Variants in TMEM108 observed in about 807,000 individuals in gnomAD.
The protein encoded by TMEM108 is transmembrane protein 108.
A neutral mutation model predicts 35.1 loss-of-function variants in TMEM108; 12 were observed. The ratio of observed to expected loss-of-function variants is 0.34; its 90% CI spans 0.22 to 0.55. The LOEUF is 0.55. Among genes scored for constraint, TMEM108 ranks in the 20% least tolerant of loss-of-function variants. The pLI, the probability that TMEM108 is intolerant of heterozygous loss-of-function variation, is 0.89. For synonymous variants in TMEM108, 287 were observed against 308.6 expected (o/e 0.93, Z 0.73); for missense variants, 680 against 753.3 (o/e 0.90, Z 1.14).
intron 2 of TMEM108, among the ~76,000 whole-genome samples, chr3:133,046,469 G>C (rs1943341769): frequency 6.6e-6 from 1 of 152,130 alleles, no homozygotes. Context: ...TTTAGTGAAG[G>C]AAATAACTTC....
intron 3 of TMEM108, among the ~76,000 whole-genome samples, chr3:133,315,518 G>A (rs773256392): frequency 6.6e-6 from 1 of 152,202 alleles, no homozygotes; most frequent in Non-Finnish European, 1.5e-5. Context: ...TGGGTCTGTG[G>A]TATCAGCCAA....
chr3:133,097,117 C>G (rs143288713), intron 2 of TMEM108, among the ~76,000 whole-genome samples: 58 of 152,322 alleles, frequency 3.8e-4, no homozygotes, highest in African/African-American at 1.3e-3. Flanking sequence ...AAACAGCAGT[C>G]TTTAATCTGT....
chr3:133,082,422 A>G (rs530772106), intron 2 of TMEM108, among the ~76,000 whole-genome samples: 237 of 152,242 alleles, frequency 1.6e-3, no homozygotes, highest in African/African-American at 5.3e-3. Context: ...TTCTGCCATA[A>G]CGTCCTTTCC....
chr3:133,287,842 A>G lies in TMEM108; in HGVS notation c.40+58491A>G, dbSNP rs571572669. Reference sequence around the variant, plus strand: ...AATAATTTGTTTAACTTTGTTGAACACAGATAATCACTTAGGTTCAAGAGC... The same window carrying G: ...AATAATTTGTTTAACTTTGTTGAACGCAGATAATCACTTAGGTTCAAGAGC... On this transcript the variant is annotated intron_variant, in intron 3 of 5. Coordinates refer to ENST00000321871, the MANE Select transcript of TMEM108 (RefSeq NM_023943.4). 4.6e-5 allele frequency among the ~76,000 whole-genome samples: 7 copies of G among 152,358 alleles called. No homozygotes were observed. In the East Asian group the frequency reaches 1.2e-3, roughly 25 times the overall value.
chr3:133,087,700 C>G (rs1243167413), intron 2 of TMEM108, among the ~76,000 whole-genome samples: 1 of 152,168 alleles, frequency 6.6e-6, no homozygotes, highest in African/African-American at 2.4e-5. Flanking sequence ...TGCTCTGGAC[C>G]TTGTCTGCCT....
At chr3:133,262,082 G>C (rs1946632998) in intron 3 of TMEM108, among the ~76,000 whole-genome samples, 1 of 152,124 alleles carries the variant, frequency 6.6e-6, no homozygotes, top group African/African-American at 2.4e-5. Flanking sequence ...TTACCATTCA[G>C]GTTATAGCTC....
chr3:133,393,297 ACTTT>A (rs1314208726), intron 5 of TMEM108, among the ~76,000 whole-genome samples: 2 of 152,010 alleles, frequency 1.3e-5, no homozygotes. Flanking sequence ...CCTCTTCCTT[ACTTT>A]ACTTGTCTTC....
chr3:133,371,435 G>T (rs547528149), intron 3 of TMEM108, among the ~76,000 whole-genome samples: 2 of 152,054 alleles, frequency 1.3e-5, no homozygotes, highest in East Asian at 1.9e-4. Flanking sequence ...GAGGCTGAAG[G>T]CCGTGAACCT....
intron 2 of TMEM108, among the ~76,000 whole-genome samples, chr3:133,092,790 G>T (rs532030044): frequency 9.2e-5 from 14 of 152,184 alleles, no homozygotes; most frequent in African/African-American, 3.4e-4. Flanking sequence ...GTTCCTTGAA[G>T]CTATATTTAT....
chr3:133,108,882 T>C (rs187515932), intron 2 of TMEM108, among the ~76,000 whole-genome samples: 3,956 of 151,562 alleles, frequency 0.026, 181 homozygotes, highest in African/African-American at 0.089. Context: ...ATATACCTAA[T>C]GCTAAATGAC....
rs1241375764 is a variant in TMEM108 at position 133,291,490 on chromosome 3, C to T, written c.40+62139C>T. Reference sequence around the variant, plus strand: ...ACACGGTCTCCCTGTGTTGTCCAGGCTGGTCTCAAACTCCTGGGCTCAAAT... The same window carrying T: ...ACACGGTCTCCCTGTGTTGTCCAGGTTGGTCTCAAACTCCTGGGCTCAAAT... On this transcript the variant is annotated intron_variant, in intron 3 of 5. Transcript: ENST00000321871. 2.6e-5 allele frequency among the ~76,000 whole-genome samples: 4 copies of T among 152,176 alleles called. No individual in the cohort carries two copies. In the South Asian group the frequency reaches 8.3e-4, roughly 32 times the overall value.
chr3:133,228,896 G>A (rs35770748), intron 2 of TMEM108, among the ~76,000 whole-genome samples: 19,915 of 152,086 alleles, frequency 0.13, 1,416 homozygotes, highest in South Asian at 0.22. Flanking sequence ...TTTTATTTGG[G>A]TGTTTGCTTG....
intron 3 of TMEM108, among the ~76,000 whole-genome samples, chr3:133,347,923 C>T (rs2071870412): frequency 1.3e-5 from 2 of 152,006 alleles, no homozygotes; most frequent in South Asian, 2.1e-4. Flanking sequence ...AGAGAGATCA[C>T]ATTCTATCTC....
At chr3:133,373,392 AG>A (rs1404513254) in intron 3 of TMEM108, among the ~76,000 whole-genome samples, 5 of 35,992 alleles carry the variant, frequency 1.4e-4, no homozygotes, top group Non-Finnish European at 3.1e-4. Flanking sequence ...GATGATAGAT[AG>A]ATAGATAGAT....
intron 3 of TMEM108, among the ~76,000 whole-genome samples, chr3:133,341,640 A>G (rs905430693): frequency 6.6e-6 from 1 of 151,934 alleles, no homozygotes; most frequent in African/African-American, 2.4e-5. Context: ...TTTAAGTTAT[A>G]CTATGGAGCT....
At chr3:133,249,990 T>C (rs1269382043) in intron 3 of TMEM108, among the ~76,000 whole-genome samples, 1 of 152,238 alleles carries the variant, frequency 6.6e-6, no homozygotes, top group Non-Finnish European at 1.5e-5. Flanking sequence ...TTGCCCAGGC[T>C]GGCCTAGAAC....
chr3:133,097,122 A>G (rs1224396572), intron 2 of TMEM108, among the ~76,000 whole-genome samples: 1 of 152,230 alleles, frequency 6.6e-6, no homozygotes, highest in African/African-American at 2.4e-5. Context: ...GCAGTCTTTA[A>G]TCTGTTTCCA....
chr3:133,323,433 C>CA (rs768338935), intron 3 of TMEM108, among the ~76,000 whole-genome samples: 11 of 151,714 alleles, frequency 7.3e-5, no homozygotes, highest in Non-Finnish European at 7.4e-5. Flanking sequence ...ACAACAGCTG[C>CA]AAAAAAATAA....
At chr3:133,343,463 TA>T (rs975766667) in intron 3 of TMEM108, among the ~76,000 whole-genome samples, 3 of 151,928 alleles carry the variant, frequency 2.0e-5, no homozygotes, top group Non-Finnish European at 4.4e-5. Context: ...TCCAAACTGT[TA>T]AGAACCAAGA....
Sources: allele counts gnomAD v4.1 joint callset (sites outside exome capture counted in the v4.1 genomes callset), GRCh38; gene constraint gnomAD v4.1.1; transcripts MANE v1.5; gene names NCBI Gene and HGNC (gene_info 2026-07-23, HGNC 2026-07-21).